ANKRD11: variants seen among roughly 807,000 people sequenced by gnomAD.
The protein encoded by ANKRD11 is ankyrin repeat domain-containing protein 11.
In ANKRD11, 17 loss-of-function variants were observed where a neutral mutation model predicts 195.7. That is an observed-to-expected ratio of 0.09 (90% CI 0.06 to 0.13). The LOEUF is 0.13. Among genes scored for constraint, ANKRD11 ranks in the 10% least tolerant of loss-of-function variants. The pLI is 1.00. For synonymous variants in ANKRD11, 1,953 were observed against 1,528.1 expected (o/e 1.28, Z -6.49); for missense variants, 3,735 against 3,566.1 (o/e 1.05, Z -1.21).
intron 6 of ANKRD11, 23 bp from the exon 7 acceptor site, chr16:89,288,693 T>TA (rs770532677): frequency 1.2e-6 from 2 of 1,613,842 alleles, no homozygotes; most frequent in South Asian, 2.2e-5. Flanking sequence ...ACTCAGGACG[T>TA]ACGTTATTTA....
chr16:89,281,751 G>C lies in ANKRD11; in HGVS notation c.4791C>G (p.Arg1597=). The C allele has an allele frequency of 6.2e-7, 1 of 1,613,942 alleles. No homozygotes were observed. The highest frequency in any genetic ancestry group is 8.5e-7 in the Non-Finnish European group (1 of 1,179,996). The part of the protein sequence containing the change: ...LSQKDLEIEE[R]HKRHKERMKQ... ...TCATCCTCTCCTTGTGCCGCTTGTG[G>C]CGCTCCTCGATCTCCAGGTCCTTCT... The change falls in exon 9 of 13, where the codon CGC becomes CGG. Residue 1597 remains arginine (R), a synonymous_variant. Transcript: ENST00000301030. This position sits in a 1 kb window ranked among gnomAD's most constrained non-coding sequence, Gnocchi z 5.5.
intron 1 of ANKRD11, among the ~76,000 whole-genome samples, chr16:89,439,046 AC>A (rs1323374970): frequency 6.6e-6 from 1 of 151,776 alleles, no homozygotes; most frequent in Non-Finnish European, 1.5e-5. Flanking sequence ...CTTAAAAAAA[AC>A]AAAACCAAAA....
At chr16:89,293,986 C>T (rs2035250401) in intron 4 of ANKRD11, among the ~76,000 whole-genome samples, 1 of 152,144 alleles carries the variant, frequency 6.6e-6, no homozygotes, top group Non-Finnish European at 1.5e-5. Flanking sequence ...CAGAACATGT[C>T]CCACTCCTGC....
At chr16:89,362,934 T>C (rs542608617) in intron 2 of ANKRD11, among the ~76,000 whole-genome samples, 41 of 152,086 alleles carry the variant, frequency 2.7e-4, no homozygotes, top group Middle Eastern at 3.4e-3. Context: ...TTCCAGCCAA[T>C]GGAAACCGGA....
Position 89,326,242 on chromosome 16 carries a change from G to C in ANKRD11, c.-59-9164C>G, listed in dbSNP as rs144339442. ...AGCAGATTTCCTCCAAGGCTTGCGA[G>C]GGTGGAAATAAACACACGGAAGTGA... On this transcript the variant is annotated intron_variant, in intron 2 of 12. Transcript: ENST00000301030. Among the ~76,000 whole-genome samples, 775 of 152,322 alleles carry C rather than the reference G, an allele frequency of 5.1e-3. 6 individuals are homozygous for C. Among genetic ancestry groups the C allele is most frequent in the African/African-American group, 0.018 (750 of 41,562 alleles).
intron 2 of ANKRD11, among the ~76,000 whole-genome samples, chr16:89,328,192 T>C (rs1450631673): frequency 1.3e-5 from 2 of 152,054 alleles, no homozygotes; most frequent in African/African-American, 4.8e-5. Flanking sequence ...AAATACAAAA[T>C]ACTCAAGGAT....
Position 89,286,195 on chromosome 16 carries a change from C to G in ANKRD11, c.745-9G>C. On this transcript the variant is annotated splice_polypyrimidine_tract_variant and intron_variant, in intron 7 of 12. Coordinates refer to ENST00000301030, the MANE Select transcript of ANKRD11 (RefSeq NM_013275.6). Reference sequence around the variant, plus strand: ...AGCAGCAGCTTCACCACCTACAAGACAGTAACACCCGCGTCAGGGACTGCT... The same window carrying G: ...AGCAGCAGCTTCACCACCTACAAGAGAGTAACACCCGCGTCAGGGACTGCT... 2 of 1,612,772 alleles carry G rather than the reference C, an allele frequency of 1.2e-6. No homozygotes were observed. Among genetic ancestry groups the G allele is most frequent in the East Asian group, 4.5e-5 (2 of 44,888 alleles).
chr16:89,424,053 A>G (rs2042619888), intron 1 of ANKRD11, among the ~76,000 whole-genome samples: 1 of 151,912 alleles, frequency 6.6e-6, no homozygotes. Flanking sequence ...ACCAGTGAGG[A>G]ACTGGGGGAG....
chr16:89,279,780 T>C lies in ANKRD11; in HGVS notation c.6762A>G (p.Gly2254=), dbSNP rs773753588. The change falls in exon 9 of 13, where the codon GGA becomes GGG. Residue 2254 remains glycine, a synonymous_variant. Transcript: ENST00000301030. The surrounding 1 kb of genome is among the most constrained non-coding windows in gnomAD (Gnocchi z 5.6). ...GGCCTTCAGCCTCAGCCCCCTGGTC[T>C]CCGCTCCCCAGTGGGCGCTGTTCTG... ...VPPEQRPLGS[G]DQGAEAEGPP... is the part of the protein sequence containing the mutation. The C allele has an allele frequency of 6.5e-7, 1 of 1,532,088 alleles. No individual in the cohort carries two copies. The highest frequency in any genetic ancestry group is 1.2e-5 in the South Asian group (1 of 84,188). The allele number at this position is 1,532,088 out of a possible 1,614,324, so 94.9% of individuals were successfully genotyped here.
chr16:89,353,858 A>G (rs867597169), intron 2 of ANKRD11, among the ~76,000 whole-genome samples: 3 of 152,334 alleles, frequency 2.0e-5, no homozygotes, highest in Middle Eastern at 6.8e-3. Context: ...CAGCCCTGAG[A>G]CACCCGAAAC....
At chr16:89,346,769 A>G (rs766041041) in intron 2 of ANKRD11, among the ~76,000 whole-genome samples, 5 of 152,264 alleles carry the variant, frequency 3.3e-5, no homozygotes, top group Non-Finnish European at 5.9e-5. Flanking sequence ...ATTTATCGCT[A>G]GAAGACATCC....
At chr16:89,301,786 G>A in intron 4 of ANKRD11, 1 of 396,526 alleles carries the variant, frequency 2.5e-6, no homozygotes, top group East Asian at 3.6e-5. Flanking sequence ...GTTCTTGGCA[G>A]GCGGCCCCCA....
chr16:89,462,860 C>T (rs1266941247), intron 1 of ANKRD11, among the ~76,000 whole-genome samples: 4 of 149,894 alleles, frequency 2.7e-5, no homozygotes, highest in African/African-American at 4.9e-5. Context: ...AAGTGAGGAG[C>T]GTCTCCGCCC....
chr16:89,409,674 T>C (rs2042041324), intron 2 of ANKRD11, among the ~76,000 whole-genome samples: 1 of 152,158 alleles, frequency 6.6e-6, no homozygotes, highest in Non-Finnish European at 1.5e-5. Flanking sequence ...ACACGAAAAC[T>C]GGTTGTCGTG....
intron 2 of ANKRD11, among the ~76,000 whole-genome samples, chr16:89,413,958 C>A (rs190974347): frequency 1.3e-5 from 2 of 152,248 alleles, no homozygotes; most frequent in East Asian, 3.9e-4. Context: ...GGGACCCCAG[C>A]ACAGCAACAG....
At chr16:89,314,617 C>T (rs949635384) in intron 3 of ANKRD11, among the ~76,000 whole-genome samples, 1 of 152,212 alleles carries the variant, frequency 6.6e-6, no homozygotes, top group Non-Finnish European at 1.5e-5. Flanking sequence ...CACGCCCAGC[C>T]TGCTGGTGTG....
intron 2 of ANKRD11, among the ~76,000 whole-genome samples, chr16:89,417,143 G>C (rs1486334095): frequency 1.3e-5 from 2 of 152,150 alleles, no homozygotes; most frequent in African/African-American, 4.8e-5. Flanking sequence ...AAAGAATTCA[G>C]TCATATGAAA....
intron 2 of ANKRD11, chr16:89,320,494 G>C (rs993365281): frequency 3.3e-5 from 5 of 152,238 alleles, no homozygotes; most frequent in Admixed American, 6.5e-5. Context: ...TAAACGCAGA[G>C]CCGAGGGGCC....
intron 2 of ANKRD11, among the ~76,000 whole-genome samples, chr16:89,411,988 T>C (rs1440428037): frequency 2.6e-5 from 3 of 115,188 alleles, no homozygotes; most frequent in South Asian, 7.2e-4. Flanking sequence ...TGGGCTGAGA[T>C]GCCTCCCAGA....
Sources: allele counts gnomAD v4.1 joint callset (sites outside exome capture counted in the v4.1 genomes callset), GRCh38; gene constraint gnomAD v4.1.1; non-coding constraint Gnocchi (gnomAD v3.1); transcripts MANE v1.5; gene names NCBI Gene and HGNC (gene_info 2026-07-23, HGNC 2026-07-21).